Variants in NALF1 observed in about 807,000 individuals in gnomAD.
NALF1 encodes family with sequence similarity 155 member A.
Under a neutral mutation model 48.4 loss-of-function variants are expected in NALF1, and 3 were observed. The ratio of observed to expected loss-of-function variants is 0.06; its 90% CI spans 0.03 to 0.16. The LOEUF is 0.16. Ranked by LOEUF, NALF1 falls within the 10% of genes least tolerant of loss-of-function variation. The probability of loss-of-function intolerance (pLI) is 1.00; values close to 1 mark genes in which losing one functional copy is unlikely to be tolerated. For synonymous variants in NALF1, 262 were observed against 245.7 expected, an observed-to-expected ratio of 1.07 and a Z score of -0.62; for missense variants, 526 against 571.5, an observed-to-expected ratio of 0.92 and a Z score of 0.81.
chr13:107,756,790 G>A (rs537378741), intron 1 of NALF1, among the ~76,000 whole-genome samples: 27 of 152,142 alleles, frequency 1.8e-4, no homozygotes, highest in African/African-American at 4.8e-4. Context: ...CAGGACCTAC[G>A]CTCTCCCTTT....
At chr13:107,356,240 T>C (rs1303341215) in intron 1 of NALF1, among the ~76,000 whole-genome samples, 1 of 152,224 alleles carries the variant, frequency 6.6e-6, no homozygotes, top group Non-Finnish European at 1.5e-5. Context: ...ATTTATAATT[T>C]AGTTCTTAAA....
At chr13:107,365,952 C>T (rs903634677) in intron 1 of NALF1, among the ~76,000 whole-genome samples, 4 of 152,196 alleles carry the variant, frequency 2.6e-5, no homozygotes, top group Admixed American at 2.6e-4. Flanking sequence ...AATTAGCAAG[C>T]AACAGTGAGA....
intron 1 of NALF1, among the ~76,000 whole-genome samples, chr13:107,814,066 A>G (rs1024466043): frequency 6.6e-6 from 1 of 152,188 alleles, no homozygotes; most frequent in Non-Finnish European, 1.5e-5. Context: ...GAAAAGAAAC[A>G]TAAAAGGGAA....
intron 1 of NALF1, among the ~76,000 whole-genome samples, chr13:107,506,687 C>T (rs1875705844): frequency 6.6e-6 from 1 of 152,078 alleles, no homozygotes; most frequent in East Asian, 1.9e-4. Flanking sequence ...TTTTCAAGTT[C>T]ATCCATACTG....
At chr13:107,828,410 C>T (rs1171136918) in intron 1 of NALF1, among the ~76,000 whole-genome samples, 1 of 151,696 alleles carries the variant, frequency 6.6e-6, no homozygotes, top group Non-Finnish European at 1.5e-5. Context: ...TCAGTGTGTG[C>T]TTCTAGAACT....
At chr13:107,830,979 T>G (rs1020462857) in intron 1 of NALF1, among the ~76,000 whole-genome samples, 1 of 152,232 alleles carries the variant, frequency 6.6e-6, no homozygotes, top group Non-Finnish European at 1.5e-5. Context: ...GAGCATGGGC[T>G]GACAGTGCTG....
intron 1 of NALF1, among the ~76,000 whole-genome samples, chr13:107,641,773 G>A (rs550379278): frequency 5.9e-5 from 9 of 152,242 alleles, no homozygotes; most frequent in African/African-American, 2.2e-4. Context: ...GTGGCTGGGG[G>A]CCAACTCAGC....
intron 1 of NALF1, among the ~76,000 whole-genome samples, chr13:107,706,134 A>C (rs1036886468): frequency 2.6e-5 from 4 of 152,204 alleles, no homozygotes; most frequent in African/African-American, 7.2e-5. Flanking sequence ...TAGCCTGCTA[A>C]AGTGCAGGGA....
intron 1 of NALF1, among the ~76,000 whole-genome samples, chr13:107,562,311 TAA>T (rs1877670742): frequency 6.6e-6 from 1 of 152,208 alleles, no homozygotes; most frequent in African/African-American, 2.4e-5. Context: ...GTTTTATTTC[TAA>T]GAGAAACGAC....
intron 1 of NALF1, among the ~76,000 whole-genome samples, chr13:107,344,907 A>T (rs1225553910): frequency 6.6e-6 from 1 of 152,162 alleles, no homozygotes; most frequent in African/African-American, 2.4e-5. Context: ...TTCACAGATG[A>T]GATAAACTTA....
At chr13:107,289,179 C>G (rs930618442) in intron 1 of NALF1, among the ~76,000 whole-genome samples, 3 of 152,136 alleles carry the variant, frequency 2.0e-5, no homozygotes, top group African/African-American at 7.2e-5. Context: ...GGTCTTTGCT[C>G]CAGCGTCCCT....
intron 1 of NALF1, among the ~76,000 whole-genome samples, chr13:107,435,021 G>A (rs538942826): frequency 6.6e-6 from 1 of 152,056 alleles, no homozygotes; most frequent in East Asian, 1.9e-4. Flanking sequence ...GAGGCAACAG[G>A]TATGTTTAAA....
intron 1 of NALF1, among the ~76,000 whole-genome samples, chr13:107,645,263 T>C (rs1362974945): frequency 1.3e-5 from 2 of 152,136 alleles, no homozygotes; most frequent in Middle Eastern, 3.2e-3. Flanking sequence ...ACACTTAGTA[T>C]TGTCCTTTTC....
chr13:107,458,452 C>T (rs1884862138), intron 1 of NALF1, among the ~76,000 whole-genome samples: 1 of 152,160 alleles, frequency 6.6e-6, no homozygotes, highest in Non-Finnish European at 1.5e-5. Flanking sequence ...CCACTGTCGC[C>T]GGCAATACAG....
intron 1 of NALF1, among the ~76,000 whole-genome samples, chr13:107,710,780 T>TACACAC (rs1875557099): frequency 2.2e-5 from 1 of 45,510 alleles, no homozygotes; most frequent in African/African-American, 5.7e-5. Context: ...CACATATGTG[T>TACACAC]GTATATACAC....
intron 1 of NALF1, among the ~76,000 whole-genome samples, chr13:107,822,291 G>C (rs1879381411): frequency 6.7e-6 from 1 of 150,048 alleles, no homozygotes; most frequent in Admixed American, 6.7e-5. Flanking sequence ...AACCCAAGCT[G>C]TTGCCTGATG....
chr13:107,586,635 A>ATTTTTTTTTTTTTTCTTTTTTTTTTTTT (rs61429641), intron 1 of NALF1, among the ~76,000 whole-genome samples: 1 of 93,122 alleles, frequency 1.1e-5, no homozygotes, highest in Admixed American at 1.3e-4. Context: ...CCCTATGGAG[A>ATTTTTTTTTTTTTTCTTTTTTTTTTTTT]TTTTTTTTTT....
At chr13:107,625,378 C>T (rs1182746963) in intron 1 of NALF1, among the ~76,000 whole-genome samples, 1 of 152,112 alleles carries the variant, frequency 6.6e-6, no homozygotes, top group Non-Finnish European at 1.5e-5. Flanking sequence ...CTACCTACTA[C>T]AAATTATTAG....
chr13:107,332,340 T>A (rs56067366), intron 1 of NALF1, among the ~76,000 whole-genome samples: 32,149 of 152,104 alleles, frequency 0.21, 3,673 homozygotes, highest in East Asian at 0.34. Context: ...GGGAATTACA[T>A]CAACACTGCT....
Sources: allele counts gnomAD v4.1 joint callset (sites outside exome capture counted in the v4.1 genomes callset), GRCh38; gene constraint gnomAD v4.1.1; transcripts MANE v1.5; gene names NCBI Gene and HGNC (gene_info 2026-07-23, HGNC 2026-07-21).